SLIT3: variants seen among roughly 807,000 people sequenced by gnomAD.
SLIT3 encodes the protein slit guidance ligand 3, also known as slit homolog 3 protein.
SLIT3 carries 68 observed loss-of-function variants against 184.0 expected under a neutral mutation model. The ratio of observed to expected loss-of-function variants is 0.37; its 90% CI spans 0.30 to 0.45. The LOEUF (loss-of-function observed/expected upper bound fraction) is 0.45. SLIT3 is among the 20% of genes least tolerant of loss of function. The pLI, the probability that SLIT3 is intolerant of heterozygous loss-of-function variation, is 1.00. For missense variants in SLIT3, 1,707 were observed against 2,026.0 expected, an observed-to-expected ratio of 0.84 and a Z score of 3.02; for synonymous variants, 831 against 828.6, an observed-to-expected ratio of 1.00 and a Z score of -0.05.
intron 4 of SLIT3, among the ~76,000 whole-genome samples, chr5:169,000,566 T>C (rs1165461831): frequency 1.3e-5 from 2 of 152,108 alleles, no homozygotes; most frequent in African/African-American, 4.8e-5. Flanking sequence ...TAATCTTATG[T>C]AAAACAAAAA....
chr5:169,216,894 G>C (rs766484779), intron 3 of SLIT3, among the ~76,000 whole-genome samples: 4 of 152,108 alleles, frequency 2.6e-5, no homozygotes, highest in Non-Finnish European at 4.4e-5. Flanking sequence ...GGGGAGATGC[G>C]TGGCTCGGAT....
At position 169,282,157 on chromosome 5, in the gene SLIT3, G is replaced by T. The variant is rs144670934; in HGVS notation, c.197+18356C>A. On this transcript the variant is annotated intron_variant, in intron 1 of 35. Coordinates refer to ENST00000519560, the MANE Select transcript of SLIT3 (RefSeq NM_003062.4). ...TTGGATATGGGAGAAGCCGGCAGGT[G>T]GGAGAACCAGCATCTATAATTATCT... Among the ~76,000 whole-genome samples, 1,198 of 152,308 alleles carry T rather than the reference G, an allele frequency of 7.9e-3. 7 individuals are homozygous for T. The highest frequency in any genetic ancestry group is 0.013 in the Non-Finnish European group (903 of 68,032).
chr5:169,246,454 T>C (rs79059411), intron 2 of SLIT3, among the ~76,000 whole-genome samples: 4,170 of 152,318 alleles, frequency 0.027, 201 homozygotes, highest in African/African-American at 0.095. Flanking sequence ...AGCCCTGTTT[T>C]GCTTGCACAT....
chr5:168,988,322 T>C (rs986278020), intron 4 of SLIT3, among the ~76,000 whole-genome samples: 5 of 152,166 alleles, frequency 3.3e-5, no homozygotes, highest in African/African-American at 9.7e-5. Context: ...GAAAAAGAAA[T>C]TGTGGACATG....
chr5:168,704,900 C>T (rs1762331668), intron 26 of SLIT3, among the ~76,000 whole-genome samples: 1 of 152,170 alleles, frequency 6.6e-6, no homozygotes, highest in African/African-American at 2.4e-5. Context: ...TGGGCGGGCT[C>T]TAACCCCGGC....
At chr5:168,850,609 C>G (rs1322417892) in intron 5 of SLIT3, among the ~76,000 whole-genome samples, 1 of 152,242 alleles carries the variant, frequency 6.6e-6, no homozygotes, top group Non-Finnish European at 1.5e-5. Flanking sequence ...TTGTAAAGGA[C>G]AAAGTCCTAG....
rs375987278 is a variant in SLIT3, at chr5:168,763,860, G to GT, written c.1460-1172dup. Among the ~76,000 whole-genome samples, 699 of 152,340 alleles carry GT rather than the reference G, an allele frequency of 4.6e-3. 4 individuals carry two copies. The highest frequency in any genetic ancestry group is 7.8e-3 in the Non-Finnish European group (531 of 68,030). Reference sequence around the variant, plus strand: ...CACATTTGTCCAATGCACGAGTGGGGTGTCATGAGCACCTGAGTGTCCTGT... The same window carrying GT: ...CACATTTGTCCAATGCACGAGTGGGGTTGTCATGAGCACCTGAGTGTCCTGT... On this transcript the variant is annotated intron_variant, in intron 14 of 35. Coordinates refer to ENST00000519560, the MANE Select transcript of SLIT3 (RefSeq NM_003062.4).
chr5:168,961,452 G>C (rs1238110938), intron 4 of SLIT3, among the ~76,000 whole-genome samples: 1 of 152,174 alleles, frequency 6.6e-6, no homozygotes, highest in Non-Finnish European at 1.5e-5. Context: ...TGGGAGGTGA[G>C]AGCCCATATT....
chr5:168,931,313 C>A (rs747916546), intron 4 of SLIT3, among the ~76,000 whole-genome samples: 3 of 152,168 alleles, frequency 2.0e-5, no homozygotes, highest in Non-Finnish European at 2.9e-5. Context: ...ACAAACAAAA[C>A]CAAAATCTGC....
chr5:168,829,072 A>G (rs1355235062), intron 6 of SLIT3, among the ~76,000 whole-genome samples: 1 of 152,094 alleles, frequency 6.6e-6, no homozygotes, highest in African/African-American at 2.4e-5. Context: ...CTGAGTGTCA[A>G]CGTGGGGCTC....
rs768416060 is a variant in SLIT3, at chr5:168,817,304, G to A, written c.789C>T (p.Cys263=). 19 of 1,614,082 alleles carry A rather than the reference G, an allele frequency of 1.2e-5. No individual in the cohort carries two copies. Among genetic ancestry groups the A allele is most frequent in the Middle Eastern group, 3.3e-4 (2 of 6,062 alleles). The change falls in exon 8 of 36, where the codon TGC becomes TGT. Residue 263 remains cysteine, a synonymous_variant. Transcript: ENST00000519560. ...VADVQKKEYV[C]PAPHSEPPSC... is the part of the protein sequence containing the mutation. ...GAGCAGGTAAAGCATCCTCACCTGG[G>A]CACACGTACTCCTTCTTCTGCACAT...
intron 4 of SLIT3, among the ~76,000 whole-genome samples, chr5:169,094,675 T>G (rs936781119): frequency 1.2e-4 from 19 of 152,140 alleles, no homozygotes; most frequent in Admixed American, 1.2e-3. Flanking sequence ...CCCCTCCAAA[T>G]GTACTACAGA....
At chr5:169,090,482 G>A (rs1481443352) in intron 4 of SLIT3, among the ~76,000 whole-genome samples, 4 of 152,176 alleles carry the variant, frequency 2.6e-5, no homozygotes, top group African/African-American at 9.7e-5. Flanking sequence ...ACAGGGCCAG[G>A]ATCGGCAGGC....
At chr5:169,298,516 G>A (rs1288429123) in intron 1 of SLIT3, among the ~76,000 whole-genome samples, 1 of 152,214 alleles carries the variant, frequency 6.6e-6, no homozygotes, top group African/African-American at 2.4e-5. Context: ...AGATGCGGAA[G>A]ATGTAGTTGC....
At chr5:168,831,306 G>C (rs1451237684) in intron 6 of SLIT3, among the ~76,000 whole-genome samples, 2 of 151,994 alleles carry the variant, frequency 1.3e-5, no homozygotes. Flanking sequence ...GAGATTGGTG[G>C]GGGTGGGGGA....
chr5:169,257,901 G>GTAA (rs60495492), intron 1 of SLIT3, among the ~76,000 whole-genome samples: 6,830 of 151,994 alleles, frequency 0.045, 519 homozygotes, highest in African/African-American at 0.16. Context: ...TGAAAGGTAG[G>GTAA]TAATCTTACT....
Position 169,069,751 on chromosome 5 carries a change from GGACA to G in SLIT3, c.413+123724_413+123727del, listed in dbSNP as rs370053753. ...AGGGAGAGAGGGGAGGTAGGGAGGT[GGACA>G]GACAGACAGACAGACAGAGTGAATA... On this transcript the variant is annotated intron_variant, in intron 4 of 35. Coordinates refer to ENST00000519560, the MANE Select transcript of SLIT3 (RefSeq NM_003062.4). 7.6e-3 allele frequency among the ~76,000 whole-genome samples: 1,161 copies of G among 152,070 alleles called. 12 individuals carry two copies. The highest frequency in any genetic ancestry group is 0.031 in the Middle Eastern group (9 of 294).
intron 4 of SLIT3, among the ~76,000 whole-genome samples, chr5:169,114,648 G>C (rs1369160778): frequency 6.6e-6 from 1 of 152,224 alleles, no homozygotes; most frequent in Admixed American, 6.5e-5. Flanking sequence ...TGCAGGCTGG[G>C]AGGGCCATGA....
intron 20 of SLIT3, among the ~76,000 whole-genome samples, chr5:168,746,166 A>G (rs908909146): frequency 1.3e-5 from 2 of 152,200 alleles, no homozygotes; most frequent in Non-Finnish European, 2.9e-5. Context: ...AACCCACAAT[A>G]TCTCCAAGGT....
Sources: gnomAD v4.1 joint callset for allele counts (sites outside exome capture counted in the v4.1 genomes callset) on GRCh38, gnomAD v4.1.1 for gene constraint, MANE v1.5 for transcripts, NCBI Gene and HGNC (gene_info 2026-07-23, HGNC 2026-07-21) for gene names.